Variants in LINGO2 observed in about 807,000 individuals in gnomAD.
LINGO2 encodes leucine-rich repeat and immunoglobulin-like domain-containing nogo receptor-interacting protein 2.
LINGO2 carries 14 observed loss-of-function variants against 30.6 expected under a neutral mutation model. The observed-to-expected ratio is 0.46, with a 90% CI of 0.30 to 0.72. The LOEUF (loss-of-function observed/expected upper bound fraction) is 0.72. Among genes scored for constraint, LINGO2 ranks in the 30% least tolerant of loss-of-function variants. The probability of loss-of-function intolerance (pLI) is 0.07; values close to 1 mark genes in which losing one functional copy is unlikely to be tolerated. For synonymous variants in LINGO2, 317 were observed against 288.5 expected, an observed-to-expected ratio of 1.10 and a Z score of -1.00; for missense variants, 729 against 751.7, an observed-to-expected ratio of 0.97 and a Z score of 0.35.
intron 1 of LINGO2, among the ~76,000 whole-genome samples, chr9:28,504,490 T>C (rs906954946): frequency 1.3e-5 from 2 of 151,770 alleles, no homozygotes; most frequent in African/African-American, 4.8e-5. Flanking sequence ...TGATAAAAAA[T>C]AAGTCCCTAC....
At chr9:29,091,889 T>G in the LINGO2 span, among the ~76,000 whole-genome samples, 3 of 152,044 alleles carry the variant, frequency 2.0e-5, no homozygotes, top group African/African-American at 7.2e-5. Flanking sequence ...GATTTTGTCT[T>G]CTATTATTAA....
chr9:28,357,118 A>G (rs1820240132), intron 3 of LINGO2, among the ~76,000 whole-genome samples: 1 of 152,114 alleles, frequency 6.6e-6, no homozygotes, highest in African/African-American at 2.4e-5. Context: ...GATCATGGTG[A>G]GCAATTGGGA....
chr9:28,024,499 AG>A (rs1823282249), intron 4 of LINGO2, among the ~76,000 whole-genome samples: 1 of 152,196 alleles, frequency 6.6e-6, no homozygotes, highest in South Asian at 2.1e-4. Context: ...CATCTTGTTC[AG>A]GCTTTGATGG....
chr9:28,062,979 AT>A (rs35699910), intron 4 of LINGO2, among the ~76,000 whole-genome samples: 3,495 of 152,138 alleles, frequency 0.023, 61 homozygotes, highest in Middle Eastern at 0.037. Context: ...TACTTAATAT[AT>A]TTTTATTACT....
At chr9:29,104,904 G>A in the LINGO2 span, among the ~76,000 whole-genome samples, 3 of 152,070 alleles carry the variant, frequency 2.0e-5, no homozygotes, top group Non-Finnish European at 2.9e-5. Context: ...GAAATAACAA[G>A]AGGATTATAA....
chr9:28,121,760 A>G (rs1175052404), intron 4 of LINGO2, among the ~76,000 whole-genome samples: 1 of 152,222 alleles, frequency 6.6e-6, no homozygotes, highest in Non-Finnish European at 1.5e-5. Flanking sequence ...AAGACCGGTG[A>G]ATAAAGAAAA....
intron 4 of LINGO2, among the ~76,000 whole-genome samples, chr9:28,291,708 T>C (rs570166633): frequency 3.9e-5 from 6 of 152,280 alleles, no homozygotes; most frequent in African/African-American, 1.4e-4. Flanking sequence ...GGCTCGATAA[T>C]TGTGGGACAA....
the LINGO2 span, among the ~76,000 whole-genome samples, chr9:28,767,903 T>A: frequency 1.3e-5 from 2 of 152,130 alleles, no homozygotes; most frequent in Admixed American, 6.5e-5. Context: ...GCCATTTAAT[T>A]TGCAGATTTT....
At chr9:28,677,769 G>T in the LINGO2 span, among the ~76,000 whole-genome samples, 1 of 151,964 alleles carries the variant, frequency 6.6e-6, no homozygotes, top group Non-Finnish European at 1.5e-5. Flanking sequence ...TTTAATATAG[G>T]TAATTTTAAC....
At chr9:27,989,166 C>A (rs2119004760) in intron 5 of LINGO2, among the ~76,000 whole-genome samples, 1 of 152,030 alleles carries the variant, frequency 6.6e-6, no homozygotes, top group South Asian at 2.1e-4. Flanking sequence ...AGCTCTAACC[C>A]AGGTCTTTGC....
chr9:28,650,036 G>GA lies in LINGO2; in HGVS notation c.-365+20163dup, dbSNP rs751294660. ...GGTTGAAATGAATTTACTGGCAGGGGAAAAAAAAAAACAACAACAAACACT... is the reference window on the plus strand; with the variant it reads ...GGTTGAAATGAATTTACTGGCAGGGGAAAAAAAAAAAACAACAACAAACACT... On this transcript the variant is annotated intron_variant, in intron 1 of 5. Coordinates refer to ENST00000379992, the Ensembl canonical transcript of LINGO2. Among the ~76,000 whole-genome samples the GA allele has an allele frequency of 3.9e-3, 546 of 140,834 alleles. 1 individual carries two copies. The highest frequency in any genetic ancestry group is 5.4e-3 in the Admixed American group (75 of 13,948). 92.4% of individuals were successfully genotyped at this position (140,834 alleles called of 152,430 possible).
chr9:28,346,399 A>T (rs1295483317), intron 3 of LINGO2, among the ~76,000 whole-genome samples: 2 of 152,304 alleles, frequency 1.3e-5, no homozygotes, highest in Admixed American at 1.3e-4. Context: ...GCTGCATAGT[A>T]GTCCATGGTG....
intron 4 of LINGO2, among the ~76,000 whole-genome samples, chr9:28,207,194 G>A (rs2133843226): frequency 6.6e-6 from 1 of 152,110 alleles, no homozygotes; most frequent in South Asian, 2.1e-4. Flanking sequence ...GTAAATAATT[G>A]CTATTCAAAC....
chr9:28,167,149 C>G (rs558241889), intron 4 of LINGO2, among the ~76,000 whole-genome samples: 24 of 141,886 alleles, frequency 1.7e-4, no homozygotes, highest in East Asian at 4.8e-4. Flanking sequence ...ACCCCCCCCC[C>G]CCACTTTTCT....
chr9:28,900,340 TC>T, the LINGO2 span, among the ~76,000 whole-genome samples: 1 of 152,144 alleles, frequency 6.6e-6, no homozygotes, highest in Non-Finnish European at 1.5e-5. Flanking sequence ...CAGGCTTATC[TC>T]AGGGTCTATT....
At chr9:28,996,718 G>A in the LINGO2 span, among the ~76,000 whole-genome samples, 1,174 of 152,266 alleles carry the variant, frequency 7.7e-3, 13 homozygotes, top group Middle Eastern at 0.031. Flanking sequence ...TATCAAGGAA[G>A]GGATTTGTAA....
chr9:29,105,781 G>T, the LINGO2 span, among the ~76,000 whole-genome samples: 1 of 152,004 alleles, frequency 6.6e-6, no homozygotes, highest in Non-Finnish European at 1.5e-5. Context: ...ACCTATGGAG[G>T]ATGCCATGTG....
chr9:28,633,502 G>T (rs1011192727), intron 1 of LINGO2, among the ~76,000 whole-genome samples: 20 of 152,244 alleles, frequency 1.3e-4, no homozygotes, highest in Middle Eastern at 3.4e-3. Flanking sequence ...AATAATTAAA[G>T]AAATTAGGTG....
chr9:28,622,258 C>G (rs1364882769), intron 1 of LINGO2, among the ~76,000 whole-genome samples: 2 of 151,938 alleles, frequency 1.3e-5, no homozygotes, highest in Admixed American at 6.6e-5. Flanking sequence ...TCCTTTCAAA[C>G]TAATTTTTGA....
Sources: allele counts gnomAD v4.1 joint callset (sites outside exome capture counted in the v4.1 genomes callset), GRCh38; gene constraint gnomAD v4.1.1; transcripts MANE v1.5; gene names NCBI Gene and HGNC (gene_info 2026-07-23, HGNC 2026-07-21).